Variants in NFASC observed in about 807,000 individuals in gnomAD.
NFASC encodes the protein neurofascin, also known as neurofascin homolog.
NFASC carries 43 observed loss-of-function variants against 147.5 expected under a neutral mutation model. That is an observed-to-expected ratio of 0.29 (90% CI 0.23 to 0.38). The LOEUF is 0.38. NFASC is among the 10% of genes least tolerant of loss of function. The pLI, the probability that NFASC is intolerant of heterozygous loss-of-function variation, is 1.00. For missense variants in NFASC, 1,320 were observed against 1,689.0 expected (o/e 0.78, Z 3.83); for synonymous variants, 622 against 665.5 (o/e 0.93, Z 1.01).
intron 1 of NFASC, among the ~76,000 whole-genome samples, chr1:204,866,690 A>G (rs529144431): frequency 1.3e-5 from 2 of 152,230 alleles, no homozygotes; most frequent in African/African-American, 2.4e-5. Context: ...TGTGTGTGCA[A>G]TACATCAAAC....
chr1:204,930,883 G>A (rs983201738), intron 2 of NFASC, among the ~76,000 whole-genome samples: 2 of 152,206 alleles, frequency 1.3e-5, no homozygotes, highest in Admixed American at 1.3e-4. Flanking sequence ...GAGGGCAGAT[G>A]CTGGGAGAGG....
chr1:205,001,303 G>C lies in NFASC; in HGVS notation c.3136+17G>C. ...ACATCGACAGTAAGCATTGCTGTGCGGGGTGGTGGTGGCGGCAGCGGCGTC... is the reference window on the plus strand; with the variant it reads ...ACATCGACAGTAAGCATTGCTGTGCCGGGTGGTGGTGGCGGCAGCGGCGTC... On this transcript the variant is annotated intron_variant, in intron 26 of 29. Transcript: ENST00000339876. The C allele has an allele frequency of 4.5e-6, 7 of 1,539,276 alleles. No homozygotes were observed. The highest frequency in any genetic ancestry group is 1.1e-5 in the South Asian group (1 of 88,122).
intron 8 of NFASC, among the ~76,000 whole-genome samples, chr1:204,965,919 C>T (rs1217397641): frequency 3.3e-5 from 5 of 152,190 alleles, no homozygotes; most frequent in South Asian, 2.1e-4. Flanking sequence ...CTTCACTGAG[C>T]CTCAGTTGCC....
At position 204,928,001 on chromosome 1, in the gene NFASC, G is replaced by C. The variant is rs147093588; in HGVS notation, c.-91+7261G>C. 6.3e-3 allele frequency among the ~76,000 whole-genome samples: 965 copies of C among 152,264 alleles called. 10 individuals carry two copies. Among genetic ancestry groups the C allele is most frequent in the African/African-American group, 0.022 (903 of 41,540 alleles). The stretch of plus-strand genomic sequence containing the variant: ...GTGGGATCGGAATTCCTCCCCAGAG[G>C]GGGGAGTTCGCTTCTTGCTTTTCAG... On this transcript the variant is annotated intron_variant, in intron 2 of 29. Transcript: ENST00000339876.
chr1:204,914,177 C>T (rs1300597243), intron 1 of NFASC, among the ~76,000 whole-genome samples: 1 of 152,054 alleles, frequency 6.6e-6, no homozygotes, highest in Non-Finnish European at 1.5e-5. Context: ...AACCAACTGC[C>T]CAGTAGAGAA....
In NFASC at chr1:204,954,453, C is replaced by A; in HGVS notation, c.412+69C>A. The A allele has an allele frequency of 2.0e-6, 3 of 1,478,902 alleles. No individual in the cohort carries two copies. Among genetic ancestry groups the A allele is most frequent in the Non-Finnish European group, 2.8e-6 (3 of 1,081,980 alleles). 91.6% of individuals were successfully genotyped at this position (1,478,902 alleles called of 1,614,324 possible). On this transcript the variant is annotated intron_variant, in intron 6 of 29. Transcript: ENST00000339876. The surrounding 1 kb of genome is among the most constrained non-coding windows in gnomAD (Gnocchi z 5.7). Reference sequence around the variant, plus strand: ...AATGGAGAGTGGGGGGTGTGGAAGGCCATTCCAGAAGGGCTGCCCCTGCCC... The same window carrying A: ...AATGGAGAGTGGGGGGTGTGGAAGGACATTCCAGAAGGGCTGCCCCTGCCC...
chr1:204,944,663 T>C (rs2093594080), intron 3 of NFASC: 1 of 481,126 alleles, frequency 2.1e-6, no homozygotes, highest in Non-Finnish European at 3.6e-6. Context: ...TGGAGCCAGC[T>C]GAGTGGGACT....
At position 205,015,900 on chromosome 1, in the gene NFASC, C is replaced by G. The variant is rs1408698546; in HGVS notation, c.3492-408C>G. Among the ~76,000 whole-genome samples, 2 of 152,144 alleles carry G rather than the reference C, an allele frequency of 1.3e-5. No homozygotes were observed. Among genetic ancestry groups the G allele is most frequent in the Non-Finnish European group, 2.9e-5 (2 of 68,040 alleles). The stretch of plus-strand genomic sequence containing the variant: ...GGGCCAGCCCCTCTTGATGGACAGA[C>G]TGAGGCCCAGGTCACAAAACCACAC... On this transcript the variant is annotated intron_variant, in intron 29 of 29. Coordinates refer to ENST00000339876, the MANE Select transcript of NFASC (RefSeq NM_001005388.3). The surrounding 1 kb of genome is among the most constrained non-coding windows in gnomAD (Gnocchi z 4.0).
chr1:204,992,696 G>A (rs2095761685), intron 24 of NFASC, among the ~76,000 whole-genome samples: 1 of 152,142 alleles, frequency 6.6e-6, no homozygotes, highest in Non-Finnish European at 1.5e-5. Flanking sequence ...ACGCAGGGAG[G>A]GCACCAGGCG....
chr1:204,912,863 A>AT (rs2087971816), intron 1 of NFASC, among the ~76,000 whole-genome samples: 1 of 121,714 alleles, frequency 8.2e-6, no homozygotes, highest in Non-Finnish European at 1.8e-5. Flanking sequence ...CTCCAAAAAA[A>AT]AAAATAATTT....
chr1:204,917,865 T>C (rs976985202), intron 1 of NFASC, among the ~76,000 whole-genome samples: 5 of 152,230 alleles, frequency 3.3e-5, no homozygotes, highest in Non-Finnish European at 5.9e-5. Context: ...GGGAATGGTA[T>C]TTAGAATTCA....
In NFASC at chr1:204,905,028, A is replaced by G. The variant is rs868790946; in HGVS notation, c.-199-15604A>G. The stretch of plus-strand genomic sequence containing the variant: ...TCGCCACCACCAGTACCACCAATCT[A>G]TCCTCATTGCCTCCTCCACTACCAG... On this transcript the variant is annotated intron_variant, in intron 1 of 29. Coordinates refer to ENST00000339876, the MANE Select transcript of NFASC (RefSeq NM_001005388.3). 1.9e-4 allele frequency among the ~76,000 whole-genome samples: 29 copies of G among 152,284 alleles called. 1 individual carries two copies. The highest frequency in any genetic ancestry group is 2.9e-5 in the Non-Finnish European group (2 of 68,020).
rs372878722 is a variant in NFASC at position 204,944,297 on chromosome 1, G to C, written c.-19G>C. 4.3e-6 allele frequency: 7 copies of C among 1,611,668 alleles called. No individual in the cohort carries two copies. The African/African-American group carries it at 9.3e-5, about 22-fold the overall frequency. ...GACCCCGAGTGCTGGGGAGCAGGGA[G>C]CAGGGCCAGGTGCCGAGGATGGCCA... On this transcript the variant is annotated 5_prime_UTR_variant, in exon 3 of 30. Coordinates refer to ENST00000339876, the MANE Select transcript of NFASC (RefSeq NM_001005388.3).
At chr1:204,937,745 C>T (rs946093234) in intron 2 of NFASC, among the ~76,000 whole-genome samples, 5 of 152,230 alleles carry the variant, frequency 3.3e-5, no homozygotes, top group Non-Finnish European at 5.9e-5. Context: ...ATCAACAAAG[C>T]TGTTAAACAT....
chr1:204,874,044 C>T (rs932245807), intron 1 of NFASC, among the ~76,000 whole-genome samples: 1 of 152,210 alleles, frequency 6.6e-6, no homozygotes, highest in African/African-American at 2.4e-5. Context: ...TTAATAGCAC[C>T]TGCCTCTTGG....
At chr1:204,891,871 A>G (rs2082469167) in intron 1 of NFASC, among the ~76,000 whole-genome samples, 2 of 152,182 alleles carry the variant, frequency 1.3e-5, no homozygotes, top group Admixed American at 6.5e-5. Flanking sequence ...CATGGCTGCC[A>G]CTTACCTGCT....
rs1429371500 is a variant in NFASC, at chr1:204,944,497, T to C, written c.91+91T>C. 7.2e-6 allele frequency: 7 copies of C among 978,634 alleles called. No homozygotes were observed. The African/African-American group carries it at 1.0e-4, about 14-fold the overall frequency. 60.6% of individuals were successfully genotyped at this position (978,634 alleles called of 1,614,324 possible). Reference sequence around the variant, plus strand: ...GAAGGTCAGAGGAAAGTTCAGATAATCCAAGGAGATTGAGGAGAGGGGACG... The same window carrying C: ...GAAGGTCAGAGGAAAGTTCAGATAACCCAAGGAGATTGAGGAGAGGGGACG... On this transcript the variant is annotated intron_variant, in intron 3 of 29. Transcript: ENST00000339876.
intron 1 of NFASC, among the ~76,000 whole-genome samples, chr1:204,856,545 T>A (rs2076179323): frequency 6.6e-6 from 1 of 152,166 alleles, no homozygotes; most frequent in South Asian, 2.1e-4. Flanking sequence ...AAATTAATAA[T>A]TTTCAAGTGA....
At chr1:204,988,515 G>T in intron 22 of NFASC, 118 bp from the exon 23 acceptor site, 2 of 871,700 alleles carry the variant, frequency 2.3e-6, no homozygotes, top group South Asian at 1.6e-5. Context: ...CACCAGGCAG[G>T]TGCCATCATT....
Sources: allele counts gnomAD v4.1 joint callset (sites outside exome capture counted in the v4.1 genomes callset), GRCh38; gene constraint gnomAD v4.1.1; non-coding constraint Gnocchi (gnomAD v3.1); transcripts MANE v1.5; gene names NCBI Gene and HGNC (gene_info 2026-07-23, HGNC 2026-07-21).